Variants in SCNN1A observed in about 807,000 individuals in gnomAD.
The protein encoded by SCNN1A is epithelial sodium channel subunit alpha.
SCNN1A carries 65 observed loss-of-function variants against 68.6 expected under a neutral mutation model. The observed-to-expected ratio is 0.95, with a 90% CI of 0.78 to 1.16. SCNN1A has a LOEUF of 1.16. Ranked by LOEUF, SCNN1A falls within the 50% of genes most tolerant of loss-of-function variation. The pLI, the probability that SCNN1A is intolerant of heterozygous loss-of-function variation, is 0.00. For synonymous variants in SCNN1A, 357 were observed against 353.3 expected (o/e 1.01, Z -0.12); for missense variants, 880 against 865.9 (o/e 1.02, Z -0.20).
At position 6,363,571 on chromosome 12, in the gene SCNN1A, G is replaced by A; in HGVS notation, c.556C>T (p.His186Tyr). ...GGGACCCTCAGGCGCTGCAAGGGGT[G>A]CGGCAGAGTCCCCCGCAGGTCGCGA... is the stretch of plus-strand genomic sequence containing the variant. ...SRRDLRGTLP[H>Y]PLQRLRVPPP... Residue 186 changes from histidine to tyrosine, a missense_variant, in exon 3 of 13, where the codon CAC becomes TAC. Physicochemically the swap from His to Tyr is moderately conservative, Grantham distance 83. Coordinates refer to ENST00000228916, the MANE Select transcript of SCNN1A (RefSeq NM_001038.6). The A allele has an allele frequency of 6.2e-7, 1 of 1,611,606 alleles. No homozygotes were observed. The highest frequency in any genetic ancestry group is 8.5e-7 in the Non-Finnish European group (1 of 1,179,030).
chr12:6,376,319 G>A (rs918849943), upstream of SCNN1A: 2 of 296,922 alleles, frequency 6.7e-6, no homozygotes, highest in African/African-American at 4.5e-5. Context: ...CGGGGCCCTA[G>A]GACATTCTGT....
chr12:6,355,265 T>A lies in SCNN1A; in HGVS notation c.1143+7A>T. The A allele has an allele frequency of 6.2e-7, 1 of 1,611,716 alleles. No homozygotes were observed. Among genetic ancestry groups the A allele is most frequent in the South Asian group, 1.1e-5 (1 of 90,550 alleles). ...CTCCTTCCAGGCCTCCCAGTCAGCA[T>A]CCTTGCCTTCCTCATGCTGATGGAG... On this transcript the variant is annotated splice_region_variant and intron_variant, in intron 6 of 12. Transcript: ENST00000228916.
In SCNN1A at chr12:6,374,361, A is replaced by G. The variant is rs372052937; in HGVS notation, c.416+7T>C. ...GCACCAGGGAAGGGGCAGAGGGACTAACCGACCTGTAGGGATTGAGGGTGC... is the reference window on the plus strand; with the variant it reads ...GCACCAGGGAAGGGGCAGAGGGACTGACCGACCTGTAGGGATTGAGGGTGC... On this transcript the variant is annotated splice_region_variant and intron_variant, in intron 2 of 12. Coordinates refer to ENST00000228916, the MANE Select transcript of SCNN1A (RefSeq NM_001038.6). The surrounding 1 kb of genome is among the most constrained non-coding windows in gnomAD (Gnocchi z 6.2). 1 of 1,613,830 alleles carries G rather than the reference A, an allele frequency of 6.2e-7. No individual in the cohort carries two copies. Among genetic ancestry groups the G allele is most frequent in the Non-Finnish European group, 8.5e-7 (1 of 1,179,846 alleles).
rs956778359 is a variant in SCNN1A at position 6,351,230 on chromosome 12, G to A, written c.1361-1825C>T. ...TTATTCAGCCATATAAAGGAATGAG[G>A]CACTGCTATTGCTACCATACGGATG... On this transcript the variant is annotated intron_variant, in intron 8 of 12. Transcript: ENST00000228916. This position sits in a 1 kb window ranked among gnomAD's most constrained non-coding sequence, Gnocchi z 4.2. 3.3e-5 allele frequency among the ~76,000 whole-genome samples: 5 copies of A among 152,188 alleles called. No homozygotes were observed. The highest frequency in any genetic ancestry group is 5.9e-5 in the Non-Finnish European group (4 of 68,030).
In SCNN1A at chr12:6,363,475, C is replaced by T. The variant is rs748960792; in HGVS notation, c.652G>A (p.Asp218Asn). ...SSLRDNNPQV[D>N]WKDWKIGFQL... is the part of the protein sequence containing the mutation. ...AAGCCGATCTTCCAGTCCTTCCAGTCCACCTGGGGGTTGTTGTCCCGCAAG... is the reference window on the plus strand; with the variant it reads ...AAGCCGATCTTCCAGTCCTTCCAGTTCACCTGGGGGTTGTTGTCCCGCAAG... The change falls in exon 3 of 13, where the codon GAC becomes AAC. Residue 218 changes from aspartate to asparagine, a missense_variant. By Grantham distance (23) the Asp-to-Asn change is conservative. Coordinates refer to ENST00000228916, the MANE Select transcript of SCNN1A (RefSeq NM_001038.6). The T allele has an allele frequency of 2.5e-6, 4 of 1,604,012 alleles. No homozygotes were observed. The highest frequency in any genetic ancestry group is 3.4e-6 in the Non-Finnish European group (4 of 1,175,968).
rs1948815558 is a variant in SCNN1A, at chr12:6,372,720, C to G, written c.416+1648G>C. Among the ~76,000 whole-genome samples, 1 of 152,150 alleles carries G rather than the reference C, an allele frequency of 6.6e-6. No homozygotes were observed. The highest frequency in any genetic ancestry group is 1.5e-5 in the Non-Finnish European group (1 of 68,044). On this transcript the variant is annotated intron_variant, in intron 2 of 12. Coordinates refer to ENST00000228916, the MANE Select transcript of SCNN1A (RefSeq NM_001038.6). The surrounding 1 kb of genome is among the most constrained non-coding windows in gnomAD (Gnocchi z 5.8). ...CTTCCTGCTGGGTCCCTCCCCTCCA[C>G]CAAGGCCTAAAGGGGTGAAGATGTC...
At chr12:6,356,348 C>A in intron 4 of SCNN1A, 1 of 223,738 alleles carries the variant, frequency 4.5e-6, no homozygotes, top group South Asian at 6.8e-5. Flanking sequence ...AGCCACATCT[C>A]ATTCATCTCT....
chr12:6,355,520 C>T (rs1288748664), intron 5 of SCNN1A, 85 bp from the exon 6 acceptor site: 7 of 1,496,966 alleles, frequency 4.7e-6, no homozygotes, highest in Non-Finnish European at 6.4e-6. Context: ...CCCTTCCTTG[C>T]CCAGTCTCTA....
chr12:6,349,505 GAGCATTATTT>G, intron 8 of SCNN1A, 100 bp from the exon 9 acceptor site: 1 of 819,556 alleles, frequency 1.2e-6, no homozygotes, highest in South Asian at 1.5e-5. Context: ...CACTTTACAA[GAGCATTATTT>G]AGCATTATAA....
At chr12:6,369,292 A>ACCTCCCTCCTGCCACCCTG (rs1565485265) in intron 2 of SCNN1A, among the ~76,000 whole-genome samples, 1 of 143,266 alleles carries the variant, frequency 7.0e-6, no homozygotes, top group African/African-American at 2.6e-5. Context: ...CTGCCACCCT[A>ACCTCCCTCCTGCCACCCTG]CTCACCTCCC....
At chr12:6,377,142 G>T, upstream of SCNN1A, 1 of 823,410 alleles carries the variant, frequency 1.2e-6, no homozygotes, top group Non-Finnish European at 1.9e-6. Flanking sequence ...AGTACTCCAG[G>T]CTCAGGGTCC....
chr12:6,347,895 G>A lies in SCNN1A; in HGVS notation c.1988C>T (p.Thr663Ile), dbSNP rs762689971. 1.8e-5 allele frequency: 29 copies of A among 1,601,652 alleles called. No homozygotes were observed. The Admixed American group carries it at 3.9e-4, about 22-fold the overall frequency. Residue 663 changes from threonine (T) to isoleucine (I), a missense_variant, in exon 13 of 13, where the codon ACC (threonine) becomes ATC (isoleucine). Around this residue, in one of 3 missense-constraint regions of SCNN1A, gnomAD observed 758 missense variants for 721.8 expected, o/e 1.05. Transcript: ENST00000228916. Reference protein sequence around the residue: ...PGGSAGASSSTCPLGGP With the variant: ...PGGSAGASSSICPLGGP ...CTCTCAGGGCCCCCCCAGAGGACAGGTGGAGGAACTGGCCCCTGCAGAGCC... is the reference window on the plus strand; with the variant it reads ...CTCTCAGGGCCCCCCCAGAGGACAGATGGAGGAACTGGCCCCTGCAGAGCC...
upstream of SCNN1A, among the ~76,000 whole-genome samples, chr12:6,376,693 C>T (rs902423480): frequency 6.6e-6 from 1 of 152,078 alleles, no homozygotes; most frequent in African/African-American, 2.4e-5. Flanking sequence ...AGAATCAGAC[C>T]CAAAAAGGGC....
upstream of SCNN1A, chr12:6,375,854 C>A: frequency 6.1e-6 from 8 of 1,317,540 alleles, no homozygotes; most frequent in Non-Finnish European, 7.7e-6. Context: ...GCTGAGAGGG[C>A]CTGGGTGGGG....
intron 4 of SCNN1A, among the ~76,000 whole-genome samples, chr12:6,359,981 G>A (rs1344730961): frequency 2.0e-5 from 3 of 152,034 alleles, no homozygotes; most frequent in African/African-American, 4.8e-5. Flanking sequence ...ATGTTGGCCA[G>A]GCTGATCTCT....
In SCNN1A at chr12:6,347,801, C is replaced by G. The variant is rs1295879539; in HGVS notation, c.*72G>C. 2 of 1,351,092 alleles carry G rather than the reference C, an allele frequency of 1.5e-6. No individual in the cohort carries two copies. Among genetic ancestry groups the G allele is most frequent in the Non-Finnish European group, 2.1e-6 (2 of 959,590 alleles). 83.7% of individuals were successfully genotyped at this position (1,351,092 alleles called of 1,614,324 possible). The stretch of plus-strand genomic sequence containing the variant: ...CTGAGAGGAAGCCCTGCACATCCTT[C>G]AATCTTGCCAGGGCCAGCACCCTCC... On this transcript the variant is annotated 3_prime_UTR_variant, in exon 13 of 13. Transcript: ENST00000228916.
chr12:6,355,356 C>G lies in SCNN1A; in HGVS notation c.1059G>C (p.Val353=). ...LSTVTGARVM[V]HGQDEPAFMD... is the part of the protein sequence containing the mutation. ...TAAAGGCAGGTTCATCCTGCCCGTG[C>G]ACCATTACCCGGGCCCCAGTCACTG... Residue 353 remains valine, a synonymous_variant, in exon 6 of 13, where the codon GTG becomes GTC. Transcript: ENST00000228916. 6.2e-7 allele frequency: 1 copy of G among 1,613,894 alleles called. No individual in the cohort carries two copies.
At chr12:6,371,198 C>T (rs1948782873) in intron 2 of SCNN1A, among the ~76,000 whole-genome samples, 1 of 152,106 alleles carries the variant, frequency 6.6e-6, no homozygotes, top group Admixed American at 6.5e-5. Flanking sequence ...TCCAGTTCCT[C>T]TAGCTCATCA....
intron 4 of SCNN1A, among the ~76,000 whole-genome samples, chr12:6,360,779 G>C (rs1948568156): frequency 7.3e-6 from 1 of 136,816 alleles, no homozygotes; most frequent in South Asian, 2.3e-4. Flanking sequence ...TTACAGAAGG[G>C]GACCCCCCCC....
Sources: gnomAD v4.1 joint callset for allele counts (sites outside exome capture counted in the v4.1 genomes callset) on GRCh38, gnomAD v4.1.1 for gene constraint, gnomAD v4.1.1 regional missense constraint, Gnocchi (gnomAD v3.1) non-coding constraint, MANE v1.5 for transcripts, NCBI Gene and HGNC (gene_info 2026-07-23, HGNC 2026-07-21) for gene names.